The following GTF2A1L variants were observed in gnomAD, a reference collection of about 807,000 sequenced individuals.
GTF2A1L encodes the protein general transcription factor IIA subunit 1 like.
GTF2A1L carries 48 observed loss-of-function variants against 49.7 expected under a neutral mutation model. That is an observed-to-expected ratio of 0.97 (90% CI 0.77 to 1.23). GTF2A1L has a LOEUF of 1.23. Among genes scored for constraint, GTF2A1L ranks in the 50% most tolerant of loss-of-function variants. The pLI is 0.00. For missense variants in GTF2A1L, 736 were observed against 564.8 expected (o/e 1.30, Z -3.07); for synonymous variants, 246 against 193.5 (o/e 1.27, Z -2.25).
At chr2:48,642,516 G>A in intron 4 of GTF2A1L, 59 bp downstream of exon 4, 4 of 1,441,882 alleles carry the variant, frequency 2.8e-6, no homozygotes, top group Non-Finnish European at 3.8e-6. Flanking sequence ...GCGAGTGGTG[G>A]CAAAATGCTG....
intron 3 of GTF2A1L, among the ~76,000 whole-genome samples, chr2:48,634,151 C>T (rs11895094): frequency 0.047 from 7,148 of 152,218 alleles, 555 homozygotes; most frequent in African/African-American, 0.16. Context: ...CTTGCTCTGT[C>T]ACTCAGGCTG....
intron 7 of GTF2A1L, among the ~76,000 whole-genome samples, 169 bp from the exon 8 acceptor site, chr2:48,671,422 T>C (rs982987251): frequency 6.6e-6 from 1 of 152,164 alleles, no homozygotes; most frequent in Non-Finnish European, 1.5e-5. Context: ...CAAGTAAGTC[T>C]TGAACTCCTG....
chr2:48,669,973 T>A lies in GTF2A1L; in HGVS notation c.1230T>A (p.Ile410=). The part of the protein sequence containing the change: ...SSDNEDPQVN[I]VEEDPLNSGD... ...ATAATGAAGACCCTCAAGTAAACAT[T>A]GTAGAAGAGGTGAGGATGACTTTTG... Residue 410 remains isoleucine, a synonymous_variant, in exon 7 of 9, where the codon ATT becomes ATA. Coordinates refer to ENST00000403751, the MANE Select transcript of GTF2A1L (RefSeq NM_006872.5). The A allele has an allele frequency of 6.2e-7, 1 of 1,611,060 alleles. No homozygotes were observed. The highest frequency in any genetic ancestry group is 8.5e-7 in the Non-Finnish European group (1 of 1,178,508).
At position 48,645,243 on chromosome 2, in the gene GTF2A1L, A is replaced by G. The variant is rs1677430088; in HGVS notation, c.388+126A>G. 20 of 880,062 alleles carry G rather than the reference A, an allele frequency of 2.3e-5. No homozygotes were observed. The South Asian group carries it at 3.7e-4, about 16-fold the overall frequency. 54.5% of individuals were successfully genotyped at this position (880,062 alleles called of 1,614,324 possible). On this transcript the variant is annotated intron_variant, in intron 5 of 8. Coordinates refer to ENST00000403751, the MANE Select transcript of GTF2A1L (RefSeq NM_006872.5). ...AAGAACTTTTAATAAAATTGATTTT[A>G]AAAGTAATGATAAATGGTGGTTTTG...
intron 6 of GTF2A1L, among the ~76,000 whole-genome samples, chr2:48,657,804 GT>G (rs776236409): frequency 2.7e-4 from 41 of 151,014 alleles, no homozygotes; most frequent in South Asian, 6.3e-4. Context: ...ATTCTGACTT[GT>G]GTGAGATGAT....
At chr2:48,638,109 G>C (rs1243966133) in intron 3 of GTF2A1L, among the ~76,000 whole-genome samples, 6 of 152,094 alleles carry the variant, frequency 3.9e-5, no homozygotes, top group Non-Finnish European at 7.4e-5. Context: ...ACCAAAAAAA[G>C]CCAAGGACCT....
intron 1 of GTF2A1L, among the ~76,000 whole-genome samples, chr2:48,618,452 T>C (rs556351750): frequency 1.3e-5 from 2 of 152,310 alleles, no homozygotes; most frequent in African/African-American, 4.8e-5. Context: ...CTAGTCTCAG[T>C]GGCACTTAGG....
At position 48,624,320 on chromosome 2, in the gene GTF2A1L, C is replaced by G. The variant is rs1048680598; in HGVS notation, c.247+3030C>G. 2.1e-5 allele frequency among the ~76,000 whole-genome samples: 3 copies of G among 144,160 alleles called. 1 individual carries two copies. Among genetic ancestry groups the G allele is most frequent in the Non-Finnish European group, 4.7e-5 (3 of 63,950 alleles). The allele number at this position is 144,160 out of a possible 152,430, so 94.6% of individuals were successfully genotyped here. A position where few individuals can be genotyped will look rare whatever the true frequency, so the allele number is the denominator to read the frequency against. On this transcript the variant is annotated intron_variant, in intron 3 of 8. Coordinates refer to ENST00000403751, the MANE Select transcript of GTF2A1L (RefSeq NM_006872.5). ...CATATATTTATGAGTAATAATTCTT[C>G]GAGAACAAAAATATTTAGTAAGAAG...
intron 1 of GTF2A1L, among the ~76,000 whole-genome samples, chr2:48,619,378 G>C (rs1007474077): frequency 6.6e-6 from 1 of 151,640 alleles, no homozygotes; most frequent in Non-Finnish European, 1.5e-5. Context: ...GCTGAGACAG[G>C]AGAATCACTT....
intron 6 of GTF2A1L, among the ~76,000 whole-genome samples, chr2:48,664,645 T>C: frequency 6.6e-6 from 1 of 152,176 alleles, no homozygotes; most frequent in South Asian, 2.1e-4. Flanking sequence ...GAATTTTTCC[T>C]TGTGGGAAGG....
Position 48,633,773 on chromosome 2 carries a change from G to A in GTF2A1L, c.248-8629G>A, listed in dbSNP as rs192725117. Among the ~76,000 whole-genome samples, 456 of 152,306 alleles carry A rather than the reference G, an allele frequency of 3.0e-3. 6 individuals carry two copies. Among genetic ancestry groups the A allele is most frequent in the Middle Eastern group, 0.01 (3 of 294 alleles). ...ACCATTATCGTATGGCTGTATAAGA[G>A]TTTTGTAGGTCTAGAAGTACTTGTT... On this transcript the variant is annotated intron_variant, in intron 3 of 8. Coordinates refer to ENST00000403751, the MANE Select transcript of GTF2A1L (RefSeq NM_006872.5).
chr2:48,621,424 A>T, intron 3 of GTF2A1L, 134 bp downstream of exon 3: 2 of 1,267,536 alleles, frequency 1.6e-6, no homozygotes, highest in Non-Finnish European at 2.2e-6. Context: ...CTATTAAATG[A>T]ACACAGTATA....
chr2:48,672,445 A>G (rs892027133), intron 8 of GTF2A1L, among the ~76,000 whole-genome samples: 1 of 152,184 alleles, frequency 6.6e-6, no homozygotes, highest in Non-Finnish European at 1.5e-5. Context: ...AGAAAATTGT[A>G]ATTGGGTTTA....
At chr2:48,655,591 C>G (rs1678124165) in intron 6 of GTF2A1L, among the ~76,000 whole-genome samples, 1 of 152,126 alleles carries the variant, frequency 6.6e-6, no homozygotes, top group African/African-American at 2.4e-5. Context: ...CCAGTTTTTC[C>G]TGCCACCAGT....
intron 6 of GTF2A1L, among the ~76,000 whole-genome samples, chr2:48,668,201 TA>T (rs1470928065): frequency 5.3e-5 from 8 of 152,206 alleles, no homozygotes; most frequent in Non-Finnish European, 1.5e-5. Context: ...TTTCTGATTG[TA>T]AAGGATGGAA....
At chr2:48,671,266 G>T (rs1240331319) in intron 7 of GTF2A1L, among the ~76,000 whole-genome samples, 3 of 152,132 alleles carry the variant, frequency 2.0e-5, no homozygotes, top group South Asian at 2.1e-4. Flanking sequence ...GCAGTGGTGT[G>T]ATCACAGCTC....
chr2:48,646,868 T>C lies in GTF2A1L; in HGVS notation c.804T>C (p.Ala268=), dbSNP rs61755886. ...TGGAGTCAGTGCTCAGTGGTTCAGCTAGCATGGCTCAAAATCTGCATGATG... is the reference window on the plus strand; with the variant it reads ...TGGAGTCAGTGCTCAGTGGTTCAGCCAGCATGGCTCAAAATCTGCATGATG... The part of the protein sequence containing the change: ...SNVESVLSGS[A]SMAQNLHDES... Residue 268 remains alanine (A), a synonymous_variant, in exon 6 of 9, where the codon GCT becomes GCC. Coordinates refer to ENST00000403751, the MANE Select transcript of GTF2A1L (RefSeq NM_006872.5). 1,299 of 1,614,184 alleles carry C rather than the reference T, an allele frequency of 8.0e-4. 17 individuals are homozygous for C. In the South Asian group the frequency reaches 0.013, roughly 16 times the overall value.
intron 6 of GTF2A1L, among the ~76,000 whole-genome samples, chr2:48,654,010 G>C (rs1343966914): frequency 6.6e-6 from 1 of 150,852 alleles, no homozygotes; most frequent in East Asian, 1.9e-4. Context: ...GGGATTGTTA[G>C]ATAAGATGAT....
In GTF2A1L at chr2:48,627,823, C is replaced by G. The variant is rs1175269277; in HGVS notation, c.247+6533C>G. 1.4e-5 allele frequency among the ~76,000 whole-genome samples: 2 copies of G among 143,404 alleles called. 1 individual carries two copies. Among genetic ancestry groups the G allele is most frequent in the Non-Finnish European group, 3.1e-5 (2 of 63,694 alleles). The allele number at this position is 143,404 out of a possible 152,430, so 94.1% of individuals were successfully genotyped here. On this transcript the variant is annotated intron_variant, in intron 3 of 8. Transcript: ENST00000403751. ...TTGGGGTACAAATGCATAGTACCCC[C>G]AGGTACTGAGCATAGTATCCAGTAG...
Sources: allele counts gnomAD v4.1 joint callset (sites outside exome capture counted in the v4.1 genomes callset), GRCh38; gene constraint gnomAD v4.1.1; transcripts MANE v1.5; gene names NCBI Gene and HGNC (gene_info 2026-07-23, HGNC 2026-07-21).